The following LIN7A variants were observed in gnomAD, a reference collection of about 807,000 sequenced individuals.
LIN7A encodes the protein lin-7 cell polarity scaffold A, also known as protein lin-7 homolog A.
A neutral mutation model predicts 29.8 loss-of-function variants in LIN7A; 25 were observed. The observed-to-expected ratio is 0.84, with a 90% confidence interval of 0.61 to 1.17. The LOEUF is 1.17. Among genes scored for constraint, LIN7A ranks in the 50% most tolerant of loss-of-function variants. The pLI, the probability that LIN7A is intolerant of heterozygous loss-of-function variation, is 0.00. For synonymous variants in LIN7A, 118 were observed against 107.5 expected (o/e 1.10, Z -0.60); for missense variants, 239 against 287.0 (o/e 0.83, Z 1.21).
intron 5 of LIN7A, among the ~76,000 whole-genome samples, chr12:80,803,396 T>C (rs769527385): frequency 1.3e-5 from 2 of 152,246 alleles, no homozygotes; most frequent in Non-Finnish European, 2.9e-5. Flanking sequence ...CCTTTATCCA[T>C]TGCATGTTTT....
chr12:80,843,707 A>G (rs975504824), intron 4 of LIN7A, among the ~76,000 whole-genome samples: 4 of 152,068 alleles, frequency 2.6e-5, no homozygotes, highest in African/African-American at 9.7e-5. Flanking sequence ...GAGCCCTTCA[A>G]ATTAGTTACT....
intron 4 of LIN7A, among the ~76,000 whole-genome samples, chr12:80,838,500 T>C (rs1464397142): frequency 2.0e-5 from 3 of 152,224 alleles, no homozygotes; most frequent in Non-Finnish European, 4.4e-5. Context: ...GTTTGTGCTC[T>C]TCTGAAAGTG....
intron 2 of LIN7A, among the ~76,000 whole-genome samples, chr12:80,866,375 T>A (rs1471705206): frequency 6.6e-6 from 1 of 152,226 alleles, no homozygotes; most frequent in African/African-American, 2.4e-5. Flanking sequence ...TTTTGTTGAC[T>A]CTATTATACT....
intron 2 of LIN7A, among the ~76,000 whole-genome samples, chr12:80,855,106 CCTCT>C (rs1345883822): frequency 6.6e-6 from 1 of 151,804 alleles, no homozygotes; most frequent in African/African-American, 2.4e-5. Context: ...CATATAAACC[CCTCT>C]CTATCAATGA....
chr12:80,819,821 A>G (rs1871708965), intron 4 of LIN7A, among the ~76,000 whole-genome samples: 1 of 152,240 alleles, frequency 6.6e-6, no homozygotes, highest in African/African-American at 2.4e-5. Context: ...TCCAACAAAC[A>G]TTAGTTCTTT....
chr12:80,814,977 A>G (rs1019255918), intron 4 of LIN7A, among the ~76,000 whole-genome samples: 7 of 152,340 alleles, frequency 4.6e-5, no homozygotes, highest in East Asian at 1.9e-4. Context: ...CCTACAAATT[A>G]TATAATTAAG....
At position 80,855,203 on chromosome 12, in the gene LIN7A, A is replaced by C. The variant is rs571860416; in HGVS notation, c.202-6881T>G. On this transcript the variant is annotated intron_variant, in intron 2 of 5. Transcript: ENST00000552864. ...AAGAGGGAAAAAAGTGAAAAGACAT[A>C]TAATAGGTATTATCAGAGCAAATGA... Among the ~76,000 whole-genome samples the C allele has an allele frequency of 1.4e-4, 21 of 152,292 alleles. 1 individual carries two copies. In the South Asian group the frequency reaches 4.4e-3, roughly 32 times the overall value.
chr12:80,937,758 T>A lies in LIN7A; in HGVS notation c.-36A>T. 1 of 774,330 alleles carries A rather than the reference T, an allele frequency of 1.3e-6. No individual in the cohort carries two copies. The highest frequency in any genetic ancestry group is 3.9e-5 in the African/African-American group (1 of 25,330). The allele number at this position is 774,330 out of a possible 1,614,324, so 48.0% of individuals were successfully genotyped here. ...TCGTAGTGAGAAAAAAAGGAGGAGA[T>A]TGGGGGCGGGGGTGGAGAGGGAAGA... On this transcript the variant is annotated 5_prime_UTR_variant, in exon 1 of 6. Transcript: ENST00000552864.
intron 4 of LIN7A, among the ~76,000 whole-genome samples, chr12:80,836,514 G>A (rs898957200): frequency 7.2e-5 from 11 of 152,058 alleles, no homozygotes; most frequent in Admixed American, 2.6e-4. Flanking sequence ...AAAACTAGCC[G>A]GCATGGTGGC....
At chr12:80,878,053 G>A (rs963061218) in intron 2 of LIN7A, among the ~76,000 whole-genome samples, 8 of 152,146 alleles carry the variant, frequency 5.3e-5, no homozygotes, top group Non-Finnish European at 1.0e-4. Context: ...CTGGAAATAC[G>A]CACTGTTTAT....
intron 1 of LIN7A, among the ~76,000 whole-genome samples, chr12:80,921,573 CA>C (rs2120878018): frequency 6.6e-6 from 1 of 151,404 alleles, no homozygotes; most frequent in Admixed American, 6.6e-5. Context: ...TGGGAGGGAG[CA>C]TGCTCTGCTC....
At chr12:80,800,054 C>T (rs546797275) in intron 5 of LIN7A, among the ~76,000 whole-genome samples, 1 of 152,128 alleles carries the variant, frequency 6.6e-6, no homozygotes, top group South Asian at 2.1e-4. Context: ...GAAGAGAAGA[C>T]ACAAATTATT....
chr12:80,917,970 C>G (rs1877109364), intron 1 of LIN7A, among the ~76,000 whole-genome samples: 1 of 152,182 alleles, frequency 6.6e-6, no homozygotes, highest in Admixed American at 6.5e-5. Context: ...TGAGTGCTAT[C>G]TTTCGTTTTA....
At chr12:80,917,360 A>T (rs1316239159) in intron 1 of LIN7A, among the ~76,000 whole-genome samples, 2 of 152,232 alleles carry the variant, frequency 1.3e-5, no homozygotes, top group Non-Finnish European at 2.9e-5. Context: ...AAGGATGACC[A>T]GATCAATGTC....
At chr12:80,900,823 A>G (rs1374045962) in intron 1 of LIN7A, among the ~76,000 whole-genome samples, 1 of 152,212 alleles carries the variant, frequency 6.6e-6, no homozygotes, top group Non-Finnish European at 1.5e-5. Context: ...AACTCTATTT[A>G]ACAACATTTA....
chr12:80,921,967 A>C (rs7303026), intron 1 of LIN7A, among the ~76,000 whole-genome samples: 60,896 of 152,050 alleles, frequency 0.4, 14,982 homozygotes, highest in African/African-American at 0.7. Context: ...AGTATCTCAG[A>C]ATTCCTTCAG....
At chr12:80,827,303 C>A (rs888357915) in intron 4 of LIN7A, among the ~76,000 whole-genome samples, 13 of 152,054 alleles carry the variant, frequency 8.5e-5, no homozygotes, top group South Asian at 4.2e-4. Context: ...AGGAGAATGG[C>A]GTGAACCCGG....
intron 2 of LIN7A, among the ~76,000 whole-genome samples, chr12:80,879,032 T>C (rs1010154196): frequency 6.6e-6 from 1 of 152,218 alleles, no homozygotes; most frequent in Non-Finnish European, 1.5e-5. Flanking sequence ...AAAATCTTCA[T>C]AGTACTTGTC....
chr12:80,852,875 A>G (rs1382535075), intron 2 of LIN7A, among the ~76,000 whole-genome samples: 1 of 152,202 alleles, frequency 6.6e-6, no homozygotes, highest in African/African-American at 2.4e-5. Context: ...TGACAATTCA[A>G]TCGGAAGCAG....
Sources: allele counts gnomAD v4.1 joint callset (sites outside exome capture counted in the v4.1 genomes callset), GRCh38; gene constraint gnomAD v4.1.1; transcripts MANE v1.5; gene names NCBI Gene and HGNC (gene_info 2026-07-23, HGNC 2026-07-21).